Variants in AGBL4 observed in about 807,000 individuals in gnomAD.
AGBL4 encodes the protein AGBL carboxypeptidase 4.
A neutral mutation model predicts 66.4 loss-of-function variants in AGBL4; 58 were observed. The observed-to-expected ratio is 0.87, with a 90% CI of 0.71 to 1.09. The LOEUF is 1.09. Ranked by LOEUF, AGBL4 falls within the 50% of genes least tolerant of loss-of-function variation. AGBL4 has a pLI of 0.00. For missense variants in AGBL4, 579 were observed against 631.0 expected, an observed-to-expected ratio of 0.92 and a Z score of 0.88; for synonymous variants, 234 against 222.9, an observed-to-expected ratio of 1.05 and a Z score of -0.44.
intron 12 of AGBL4, among the ~76,000 whole-genome samples, chr1:48,538,839 A>G (rs190627282): frequency 1.3e-5 from 2 of 152,330 alleles, no homozygotes; most frequent in East Asian, 1.9e-4. Context: ...CAGTGGAAAG[A>G]ATGGTCTGGC....
chr1:49,335,731 G>A (rs1645423684), intron 3 of AGBL4, among the ~76,000 whole-genome samples: 1 of 152,026 alleles, frequency 6.6e-6, no homozygotes, highest in South Asian at 2.1e-4. Context: ...TAGTCAGGAT[G>A]GTCTCAATCT....
At chr1:49,274,800 C>T (rs1326481017) in intron 3 of AGBL4, among the ~76,000 whole-genome samples, 1 of 152,006 alleles carries the variant, frequency 6.6e-6, no homozygotes, top group Non-Finnish European at 1.5e-5. Flanking sequence ...TCAAGCAGAA[C>T]AAGAGTTAAT....
intron 3 of AGBL4, among the ~76,000 whole-genome samples, chr1:49,339,590 G>C (rs995789595): frequency 6.6e-6 from 1 of 152,210 alleles, no homozygotes; most frequent in Non-Finnish European, 1.5e-5. Context: ...AAACACGTGA[G>C]ACAGAACTGG....
At chr1:49,800,360 CT>C (rs1210160909) in intron 2 of AGBL4, among the ~76,000 whole-genome samples, 2 of 97,362 alleles carry the variant, frequency 2.1e-5, no homozygotes, top group Non-Finnish European at 4.2e-5. Context: ...TATTTTTTTT[CT>C]CATTTTCTTT....
At chr1:49,965,879 T>C (rs1657511691) in intron 1 of AGBL4, among the ~76,000 whole-genome samples, 1 of 152,044 alleles carries the variant, frequency 6.6e-6, no homozygotes, top group Admixed American at 6.6e-5. Flanking sequence ...TCAAGGCAAT[T>C]TGGAAAGCAA....
intron 4 of AGBL4, among the ~76,000 whole-genome samples, chr1:49,106,563 A>G (rs491993): frequency 0.68 from 102,776 of 152,052 alleles, 35,366 homozygotes; most frequent in African/African-American, 0.75. Flanking sequence ...TGCCCTAGGC[A>G]TAGTTCACTG....
intron 3 of AGBL4, among the ~76,000 whole-genome samples, chr1:49,488,049 T>C (rs1313260530): frequency 6.6e-6 from 1 of 151,982 alleles, no homozygotes; most frequent in Non-Finnish European, 1.5e-5. Flanking sequence ...TATTTTCAAA[T>C]ATCTGAAATA....
chr1:48,905,988 T>C (rs976832382), intron 5 of AGBL4, among the ~76,000 whole-genome samples: 10 of 152,288 alleles, frequency 6.6e-5, no homozygotes, highest in Admixed American at 1.3e-4. Flanking sequence ...AGCTTACTTT[T>C]AAATGAAGGA....
At chr1:48,902,792 C>A (rs1652211765) in intron 5 of AGBL4, among the ~76,000 whole-genome samples, 1 of 152,150 alleles carries the variant, frequency 6.6e-6, no homozygotes, top group Non-Finnish European at 1.5e-5. Flanking sequence ...CTAGAGACTG[C>A]AGTAAACTTC....
intron 1 of AGBL4, among the ~76,000 whole-genome samples, chr1:50,006,028 A>C (rs1661100142): frequency 6.6e-6 from 1 of 152,330 alleles, no homozygotes; most frequent in Middle Eastern, 3.4e-3. Flanking sequence ...GGGCATATCC[A>C]AGAGTTATTA....
intron 3 of AGBL4, among the ~76,000 whole-genome samples, chr1:49,544,912 T>C (rs1652357204): frequency 6.6e-6 from 1 of 152,220 alleles, no homozygotes; most frequent in Admixed American, 6.5e-5. Context: ...ACTTCTTGAA[T>C]TCTGTGAGCC....
Position 49,265,469 on chromosome 1 carries a change from A to G in AGBL4, c.283-19605T>C, listed in dbSNP as rs551059154. Among the ~76,000 whole-genome samples the G allele has an allele frequency of 1.1e-4, 16 of 152,282 alleles. No homozygotes were observed. The South Asian group carries it at 3.3e-3, about 32-fold the overall frequency. ...ACCTAGATCTCTATTTGTTCAACCA[A>G]TCAGCTCCTTTACTTCGGAGCCATA... is the stretch of plus-strand genomic sequence containing the variant. On this transcript the variant is annotated intron_variant, in intron 3 of 13. Coordinates refer to ENST00000371839, the MANE Select transcript of AGBL4 (RefSeq NM_032785.4).
At chr1:49,520,516 T>C (rs1464733515) in intron 3 of AGBL4, among the ~76,000 whole-genome samples, 1 of 152,126 alleles carries the variant, frequency 6.6e-6, no homozygotes, top group Non-Finnish European at 1.5e-5. Context: ...AAAGTCATAA[T>C]AAGGCCCTAC....
intron 11 of AGBL4, among the ~76,000 whole-genome samples, chr1:48,553,173 A>C (rs1644274279): frequency 6.6e-6 from 1 of 152,044 alleles, no homozygotes; most frequent in Non-Finnish European, 1.5e-5. Context: ...CCCCACTGAC[A>C]GTTGACCGTG....
intron 3 of AGBL4, among the ~76,000 whole-genome samples, chr1:49,484,532 T>G (rs1198124672): frequency 6.6e-6 from 1 of 152,018 alleles, no homozygotes; most frequent in Non-Finnish European, 1.5e-5. Context: ...CTCCCTTATT[T>G]GTGGGATCTG....
chr1:49,842,175 C>A, intron 2 of AGBL4: 1 of 416,712 alleles, frequency 2.4e-6, no homozygotes, highest in Admixed American at 3.1e-5. Flanking sequence ...GAGCATGTGA[C>A]CTTTGAGGAC....
intron 3 of AGBL4, among the ~76,000 whole-genome samples, chr1:49,602,087 A>T (rs146109933): frequency 6.6e-6 from 1 of 152,212 alleles, no homozygotes; most frequent in African/African-American, 2.4e-5. Flanking sequence ...GCCAACAAAC[A>T]TATGAAAAAA....
chr1:49,850,962 T>C (rs1337238089), intron 2 of AGBL4, among the ~76,000 whole-genome samples: 2 of 152,090 alleles, frequency 1.3e-5, no homozygotes, highest in Admixed American at 6.6e-5. Flanking sequence ...CTCTGCTCTT[T>C]AGTTTGTATT....
At chr1:48,548,987 C>T (rs1245782216) in intron 11 of AGBL4, among the ~76,000 whole-genome samples, 1 of 152,196 alleles carries the variant, frequency 6.6e-6, no homozygotes, top group Non-Finnish European at 1.5e-5. Flanking sequence ...ACAGACACAT[C>T]CCTGTCCTCA....
Sources: allele counts gnomAD v4.1 joint callset (sites outside exome capture counted in the v4.1 genomes callset), GRCh38; gene constraint gnomAD v4.1.1; transcripts MANE v1.5; gene names NCBI Gene and HGNC (gene_info 2026-07-23, HGNC 2026-07-21).